AAK1: variants seen among roughly 807,000 people sequenced by gnomAD.
The protein encoded by AAK1 is AP2-associated protein kinase 1.
A neutral mutation model predicts 116.0 loss-of-function variants in AAK1; 37 were observed. The ratio of observed to expected loss-of-function variants is 0.32; its 90% confidence interval spans 0.25 to 0.42. The LOEUF is 0.42. Ranked by LOEUF, AAK1 falls within the 10% of genes least tolerant of loss-of-function variation. The probability of loss-of-function intolerance (pLI) is 1.00; values close to 1 mark genes in which losing one functional copy is unlikely to be tolerated. For synonymous variants in AAK1, 458 were observed against 439.9 expected (o/e 1.04, Z -0.51); for missense variants, 919 against 1,170.6 (o/e 0.79, Z 3.14).
At chr2:69,477,411 G>A (rs1674895098) in intron 20 of AAK1, among the ~76,000 whole-genome samples, 1 of 151,996 alleles carries the variant, frequency 6.6e-6, no homozygotes, top group Non-Finnish European at 1.5e-5. Context: ...GAAGAGAATT[G>A]GTGGCTCTTT....
chr2:69,474,860 C>A lies in AAK1; in HGVS notation c.*1009G>T, dbSNP rs1473159992. 7.1e-6 allele frequency: 7 copies of A among 985,738 alleles called. No individual in the cohort carries two copies. Among genetic ancestry groups the A allele is most frequent in the Middle Eastern group, 5.2e-4 (1 of 1,914 alleles). 61.1% of individuals were successfully genotyped at this position (985,738 alleles called of 1,614,324 possible). A position where few individuals can be genotyped will look rare whatever the true frequency, so the allele number is the denominator to read the frequency against. On this transcript the variant is annotated 3_prime_UTR_variant, in exon 22 of 22. Transcript: ENST00000409085. Reference sequence around the variant, plus strand: ...TCAGACTTGAAATGCCAAGTGGAAACAGAACTATTCAGCATCTTCATTTAT... The same window carrying A: ...TCAGACTTGAAATGCCAAGTGGAAAAAGAACTATTCAGCATCTTCATTTAT...
intron 17 of AAK1, among the ~76,000 whole-genome samples, chr2:69,487,497 T>C (rs931444523): frequency 6.6e-6 from 1 of 152,198 alleles, no homozygotes; most frequent in Non-Finnish European, 1.5e-5. Flanking sequence ...CGTGACTTAG[T>C]GATGTCTAAT....
At chr2:69,598,180 T>C in intron 2 of AAK1, 3 of 862,984 alleles carry the variant, frequency 3.5e-6, no homozygotes, top group Non-Finnish European at 4.8e-6. Context: ...ACATCATGAA[T>C]ACAGACACTG....
At position 69,470,383 on chromosome 2, in the gene AAK1, A is replaced by G; in HGVS notation, c.*5486T>C. 2.0e-6 allele frequency: 2 copies of G among 985,438 alleles called. No individual in the cohort carries two copies. Among genetic ancestry groups the G allele is most frequent in the Non-Finnish European group, 2.4e-6 (2 of 829,932 alleles). 61.0% of individuals were successfully genotyped at this position (985,438 alleles called of 1,614,324 possible). A position where few individuals can be genotyped will look rare whatever the true frequency, so the allele number is the denominator to read the frequency against. ...TGGGGAAATCAAGAGACGTACATCA[A>G]ACTAATAATTACCATGACCTTCTAG... On this transcript the variant is annotated 3_prime_UTR_variant, in exon 22 of 22. Transcript: ENST00000409085.
intron 16 of AAK1, among the ~76,000 whole-genome samples, chr2:69,505,315 G>T (rs191435765): frequency 2.6e-5 from 4 of 152,202 alleles, no homozygotes; most frequent in Admixed American, 1.3e-4. Context: ...AACAAGTCCT[G>T]CATATTACTG....
intron 2 of AAK1, among the ~76,000 whole-genome samples, chr2:69,574,758 G>A (rs527293792): frequency 5.3e-5 from 8 of 152,088 alleles, no homozygotes; most frequent in African/African-American, 1.9e-4. Context: ...ATTTCCTGAG[G>A]CCAGGAGTTA....
rs1476472789 is a variant in AAK1 at position 69,548,494 on chromosome 2, C to T, written c.283-3950G>A. 8.8e-5 allele frequency among the ~76,000 whole-genome samples: 13 copies of T among 147,370 alleles called. No individual in the cohort carries two copies. In the Admixed American group the frequency reaches 8.9e-4, roughly 10 times the overall value. ...TCTTTTTTCCTTTCTTTTTCTTTCT[C>T]TCTCCTTCCTTTCTCTCTTTCTTCC... On this transcript the variant is annotated intron_variant, in intron 3 of 21. Coordinates refer to ENST00000409085, the MANE Select transcript of AAK1 (RefSeq NM_014911.5).
At chr2:69,570,850 G>T (rs1348049488) in intron 2 of AAK1, among the ~76,000 whole-genome samples, 2 of 152,198 alleles carry the variant, frequency 1.3e-5, no homozygotes, top group African/African-American at 4.8e-5. Flanking sequence ...GTGAACTCCT[G>T]AGAGTGCCTG....
chr2:69,466,762 G>A lies in AAK1; in HGVS notation c.*9107C>T, dbSNP rs927504767. 4.1e-6 allele frequency: 4 copies of A among 985,242 alleles called. No individual in the cohort carries two copies. Among genetic ancestry groups the A allele is most frequent in the East Asian group, 1.1e-4 (1 of 8,832 alleles). 61.0% of individuals were successfully genotyped at this position (985,242 alleles called of 1,614,324 possible). A position where few individuals can be genotyped will look rare whatever the true frequency, so the allele number is the denominator to read the frequency against. The stretch of plus-strand genomic sequence containing the variant: ...TGTCTCACGTTTTGGAACATGATAG[G>A]CACGACGTACAGGAAAGGAGATGAA... On this transcript the variant is annotated 3_prime_UTR_variant, in exon 22 of 22. Coordinates refer to ENST00000409085, the MANE Select transcript of AAK1 (RefSeq NM_014911.5).
intron 2 of AAK1, among the ~76,000 whole-genome samples, chr2:69,602,693 T>C (rs1673631162): frequency 6.6e-6 from 1 of 152,168 alleles, no homozygotes; most frequent in Non-Finnish European, 1.5e-5. Context: ...GTTCCAAGGC[T>C]GGCCTTCCTC....
chr2:69,595,046 G>A (rs780166892), intron 2 of AAK1: 5 of 737,346 alleles, frequency 6.8e-6, no homozygotes, highest in South Asian at 1.3e-5. Flanking sequence ...CGGGTTTTAG[G>A]AACGTTCACC....
At chr2:69,590,907 C>T (rs930919974) in intron 2 of AAK1, among the ~76,000 whole-genome samples, 1 of 152,126 alleles carries the variant, frequency 6.6e-6, no homozygotes, top group Non-Finnish European at 1.5e-5. Context: ...TTTATTGGAG[C>T]GATAAGGCAT....
At position 69,462,264 on chromosome 2, in the gene AAK1, T is replaced by G. The variant is rs890442363; in HGVS notation, c.*13605A>C. Reference sequence around the variant, plus strand: ...GGATAGCATTAGGAGATATACCTAATGCTAAATGACGAGTTAGTGGGTGCA... The same window carrying G: ...GGATAGCATTAGGAGATATACCTAAGGCTAAATGACGAGTTAGTGGGTGCA... On this transcript the variant is annotated 3_prime_UTR_variant, in exon 22 of 22. Transcript: ENST00000409085. 4 of 150,048 alleles carry G rather than the reference T, an allele frequency of 2.7e-5. No individual in the cohort carries two copies. The highest frequency in any genetic ancestry group is 1.3e-4 in the Admixed American group (2 of 15,128). The allele number at this position is 150,048 out of a possible 1,614,324, so 9.3% of individuals were successfully genotyped here. A position where few individuals can be genotyped will look rare whatever the true frequency, so the allele number is the denominator to read the frequency against.
intron 2 of AAK1, among the ~76,000 whole-genome samples, chr2:69,559,408 C>T (rs998808829): frequency 3.3e-5 from 5 of 152,064 alleles, no homozygotes; most frequent in African/African-American, 1.2e-4. Context: ...TTTATCTTTT[C>T]TTCCCCCCAC....
chr2:69,492,386 G>T (rs1675557640), intron 17 of AAK1, among the ~76,000 whole-genome samples: 1 of 151,856 alleles, frequency 6.6e-6, no homozygotes, highest in South Asian at 2.1e-4. Flanking sequence ...GCTAATTTTT[G>T]TATTTTTAGT....
intron 17 of AAK1, among the ~76,000 whole-genome samples, chr2:69,494,712 C>T (rs994200215): frequency 1.1e-4 from 16 of 152,146 alleles, no homozygotes; most frequent in African/African-American, 2.9e-4. Context: ...AGGAAAAAAG[C>T]GCCTCTATTT....
intron 2 of AAK1, among the ~76,000 whole-genome samples, chr2:69,624,770 A>C (rs1335610168): frequency 2.0e-5 from 3 of 152,174 alleles, no homozygotes; most frequent in Non-Finnish European, 4.4e-5. Flanking sequence ...ATATAAGCAC[A>C]TCCAGCACTG....
chr2:69,464,113 G>A lies in AAK1; in HGVS notation c.*11756C>T, dbSNP rs1674412596. ...AATGTAAAAGTTTTCATGCCTACCT[G>A]ATTCAGCTCTTTTCCATTCTCCCAA... On this transcript the variant is annotated 3_prime_UTR_variant, in exon 22 of 22. Coordinates refer to ENST00000409085, the MANE Select transcript of AAK1 (RefSeq NM_014911.5). 1 of 152,522 alleles carries A rather than the reference G, an allele frequency of 6.6e-6. No homozygotes were observed. The highest frequency in any genetic ancestry group is 6.5e-5 in the Admixed American group (1 of 15,272). 9.4% of individuals were successfully genotyped at this position (152,522 alleles called of 1,614,324 possible).
intron 16 of AAK1, among the ~76,000 whole-genome samples, chr2:69,501,446 T>C: frequency 6.6e-6 from 1 of 152,152 alleles, no homozygotes; most frequent in East Asian, 1.9e-4. Flanking sequence ...CAGTGTAATC[T>C]TCAAAGGTTG....
Sources: gnomAD v4.1 joint callset for allele counts (sites outside exome capture counted in the v4.1 genomes callset) on GRCh38, gnomAD v4.1.1 for gene constraint, MANE v1.5 for transcripts, NCBI Gene and HGNC (gene_info 2026-07-23, HGNC 2026-07-21) for gene names.